Variants in IL3RA observed in about 807,000 individuals in gnomAD.
IL3RA encodes the protein interleukin-3 receptor subunit alpha.
A neutral mutation model predicts 52.3 loss-of-function variants in IL3RA; 73 were observed. The observed-to-expected ratio is 1.40, with a 90% confidence interval of 1.16 to 1.70. IL3RA has a LOEUF of 1.70. IL3RA is among the 40% of genes most tolerant of loss of function. The probability of loss-of-function intolerance (pLI) is 0.00; values close to 1 mark genes in which losing one functional copy is unlikely to be tolerated. For synonymous variants in IL3RA, 260 were observed against 194.0 expected, an observed-to-expected ratio of 1.34 and a Z score of -2.83; for missense variants, 664 against 504.4, an observed-to-expected ratio of 1.32 and a Z score of -3.03.
chrX:1,348,469 C>T lies in IL3RA; in HGVS notation c.222C>T (p.Ser74=). Residue 74 remains serine, a synonymous_variant, in exon 4 of 12, where the codon TCC becomes TCT. Coordinates refer to ENST00000331035, the MANE Select transcript of IL3RA (RefSeq NM_002183.4). ...GCTATTGCCAGTTTGGAGCAATTTC[C>T]TTATGTGAAGTGACCAACTACACCG... ...NNSYCQFGAI[S]LCEVTNYTVR... 1 of 1,613,902 alleles carries T rather than the reference C, an allele frequency of 6.2e-7. No individual in the cohort carries two copies. The highest frequency in any genetic ancestry group is 1.3e-5 in the African/African-American group (1 of 75,036).
At chrX:1,378,905 C>T (rs1443524958) in intron 10 of IL3RA, 141 bp downstream of exon 10, 9 of 798,754 alleles carry the variant, frequency 1.1e-5, no homozygotes, top group South Asian at 5.0e-5. Context: ...TGCAGTGGCA[C>T]GATCTGGGCT....
At position 1,364,795 on chromosome X, in the gene IL3RA, T is replaced by C. The variant is rs1347815519; in HGVS notation, c.760-343T>C. Among the ~76,000 whole-genome samples the C allele has an allele frequency of 1.8e-4, 20 of 113,508 alleles. No individual in the cohort carries two copies. In the Admixed American group the frequency reaches 1.8e-3, roughly 10 times the overall value. 74.5% of individuals were successfully genotyped at this position (113,508 alleles called of 152,430 possible). A position where few individuals can be genotyped will look rare whatever the true frequency, so the allele number is the denominator to read the frequency against. On this transcript the variant is annotated intron_variant, in intron 8 of 11. Transcript: ENST00000331035. Reference sequence around the variant, plus strand: ...ACCCAGCCCCTCTTTTCTTCTTTTATTTATTTATTTATTTATTTATTTATT... The same window carrying C: ...ACCCAGCCCCTCTTTTCTTCTTTTACTTATTTATTTATTTATTTATTTATT...
Position 1,361,617 on chromosome X carries a change from G to A in IL3RA, c.759+2730G>A, listed in dbSNP as rs1254091422. Among the ~76,000 whole-genome samples the A allele has an allele frequency of 2.0e-5, 3 of 151,958 alleles. No individual in the cohort carries two copies. The East Asian group carries it at 5.8e-4, about 29-fold the overall frequency. ...TAAAAAAAATTACCCAGACGTGGTG[G>A]TGGCAGGCGCCTGTGGTCCCAGCTA... On this transcript the variant is annotated intron_variant, in intron 8 of 11. Coordinates refer to ENST00000331035, the MANE Select transcript of IL3RA (RefSeq NM_002183.4).
rs1219286774 is a variant in IL3RA, at chrX:1,365,203, G to A, written c.825G>A (p.Arg275=). 3 of 1,611,476 alleles carry A rather than the reference G, an allele frequency of 1.9e-6. No individual in the cohort carries two copies. Among genetic ancestry groups the A allele is most frequent in the Non-Finnish European group, 2.5e-6 (3 of 1,179,126 alleles). Residue 275 remains arginine (R), a synonymous_variant, in exon 9 of 12, where the codon CGG becomes CGA. Transcript: ENST00000331035. The stretch of plus-strand genomic sequence containing the variant: ...CGTACACAGTACAAATAAGAGCCCG[G>A]GAAAGAGTGTATGAATTCTTGAGCG... ...PGTYTVQIRA[R]ERVYEFLSAW...
intron 10 of IL3RA, among the ~76,000 whole-genome samples, chrX:1,380,056 G>A (rs112836518): frequency 1.6e-4 from 22 of 140,966 alleles, no homozygotes; most frequent in African/African-American, 3.5e-4. Flanking sequence ...CACCATGCCC[G>A]GATAATTTTG....
chrX:1,342,778 C>G (rs1171612985), intron 2 of IL3RA, among the ~76,000 whole-genome samples: 1 of 144,970 alleles, frequency 6.9e-6, no homozygotes, highest in Non-Finnish European at 1.5e-5. Flanking sequence ...ACAGGATGGT[C>G]TCGATCTCCT....
rs148113994 is a variant in IL3RA at position 1,348,424 on chromosome X, C to T, written c.184-7C>T. 3 of 1,599,744 alleles carry T rather than the reference C, an allele frequency of 1.9e-6. No individual in the cohort carries two copies. The South Asian group carries it at 3.3e-5, about 18-fold the overall frequency. ...CAGCAGCCATCATAGTCCTATGTCT[C>T]TCTTAGGCAGTGAACAATAGCTATT... On this transcript the variant is annotated splice_region_variant and splice_polypyrimidine_tract_variant and intron_variant, in intron 3 of 11. Transcript: ENST00000331035.
Position 1,377,195 on chromosome X carries a change from T to G in IL3RA, c.875-1464T>G, listed in dbSNP as rs761047111. ...ATCTCTTGATCTTGGACCTGCAGCTTCCAGGACTGTGGGAGAATCAATTCC... is the reference window on the plus strand; with the variant it reads ...ATCTCTTGATCTTGGACCTGCAGCTGCCAGGACTGTGGGAGAATCAATTCC... On this transcript the variant is annotated intron_variant, in intron 9 of 11. Transcript: ENST00000331035. 2.0e-5 allele frequency among the ~76,000 whole-genome samples: 3 copies of G among 152,334 alleles called. No individual in the cohort carries two copies. In the East Asian group the frequency reaches 5.8e-4, roughly 29 times the overall value.
chrX:1,349,885 C>G (rs1603443684), intron 4 of IL3RA, among the ~76,000 whole-genome samples: 3 of 150,142 alleles, frequency 2.0e-5, no homozygotes, highest in South Asian at 2.1e-4. Context: ...AACTCCTGAC[C>G]TTGTGATCCA....
chrX:1,378,700 A>C lies in IL3RA; in HGVS notation c.916A>C (p.Thr306Pro). 6.2e-7 allele frequency: 1 copy of C among 1,612,660 alleles called. No individual in the cohort carries two copies. The highest frequency in any genetic ancestry group is 8.5e-7 in the Non-Finnish European group (1 of 1,179,832). ...EEGANTRAWR[T>P]SLLIALGTLL... ...GGGCGCAAACACACGTGCCTGGCGG[A>C]CGTCGCTGCTGATCGCGCTGGGGAC... Residue 306 changes from threonine to proline, a missense_variant, in exon 10 of 12, where the codon ACG (threonine) becomes CCG (proline). Physicochemically the swap from Thr to Pro is conservative, Grantham distance 38. Coordinates refer to ENST00000331035, the MANE Select transcript of IL3RA (RefSeq NM_002183.4).
intron 10 of IL3RA, among the ~76,000 whole-genome samples, chrX:1,380,083 G>A (rs548004862): frequency 2.6e-5 from 4 of 151,834 alleles, no homozygotes; most frequent in Non-Finnish European, 5.9e-5. Context: ...CAGTAGAGAC[G>A]GAGTTTCTCC....
At position 1,348,656 on chromosome X, in the gene IL3RA, TTC is replaced by T. The variant is rs1377295640; in HGVS notation, c.298+113_298+114del. On this transcript the variant is annotated intron_variant, in intron 4 of 11. Transcript: ENST00000331035. Reference sequence around the variant, plus strand: ...TTCTTTTCTTTTTCTCTTTCTTTCTTTCTTTCTTTCTTTCTTTCTTTCTTTCT... The same window carrying T: ...TTCTTTTCTTTTTCTCTTTCTTTCTTTTTCTTTCTTTCTTTCTTTCTTTCT... 17 of 414,360 alleles carry T rather than the reference TTC, an allele frequency of 4.1e-5. 1 individual carries two copies. Among genetic ancestry groups the T allele is most frequent in the South Asian group, 1.3e-4 (4 of 31,862 alleles). 25.7% of individuals were successfully genotyped at this position (414,360 alleles called of 1,614,324 possible). A position where few individuals can be genotyped will look rare whatever the true frequency, so the allele number is the denominator to read the frequency against.
intron 7 of IL3RA, among the ~76,000 whole-genome samples, chrX:1,357,869 G>A (rs866247641): frequency 8.7e-5 from 13 of 149,872 alleles, no homozygotes; most frequent in Non-Finnish European, 1.3e-4. Context: ...TTGGGAGGCC[G>A]AGGCAGGACG....
chrX:1,365,427 A>C (rs866928752), intron 9 of IL3RA, among the ~76,000 whole-genome samples, 175 bp downstream of exon 9: 3 of 24,072 alleles, frequency 1.2e-4, no homozygotes, highest in Admixed American at 4.5e-4. Flanking sequence ...GAGCGGGGTG[A>C]GCGGGGTGCG....
chrX:1,378,568 C>A, intron 9 of IL3RA, 91 bp from the exon 10 acceptor site: 1 of 1,134,202 alleles, frequency 8.8e-7, no homozygotes, highest in Non-Finnish European at 1.3e-6. Context: ...GCAGCCACCT[C>A]TCTGCTTCCC....
chrX:1,378,554 T>C lies in IL3RA; in HGVS notation c.875-105T>C, dbSNP rs1306963633. ...GTGTCCCCCCCTGGACGCCACCCCA[T>C]ATGGCAGCCACCTCTCTGCTTCCCA... is the stretch of plus-strand genomic sequence containing the variant. On this transcript the variant is annotated intron_variant, in intron 9 of 11. Coordinates refer to ENST00000331035, the MANE Select transcript of IL3RA (RefSeq NM_002183.4). The C allele has an allele frequency of 1.1e-5, 11 of 974,280 alleles. No homozygotes were observed. In the African/African-American group the frequency reaches 1.3e-4, roughly 11 times the overall value. The allele number at this position is 974,280 out of a possible 1,614,324, so 60.4% of individuals were successfully genotyped here. A position where few individuals can be genotyped will look rare whatever the true frequency, so the allele number is the denominator to read the frequency against.
chrX:1,382,419 TGGA>T lies in IL3RA; in HGVS notation c.1096_1098del (p.Glu366del). 1 of 1,613,788 alleles carries T rather than the reference TGGA, an allele frequency of 6.2e-7. No individual in the cohort carries two copies. Among genetic ancestry groups the T allele is most frequent in the Non-Finnish European group, 8.5e-7 (1 of 1,179,750 alleles). ...GTCTGGGAGGCGGGCAAAGCCGGCC[TGGA>T]GGAGTGTCTGGTGACTGAAGTACAG... is the stretch of plus-strand genomic sequence containing the variant. On this transcript the variant is annotated inframe_deletion, in exon 12 of 12. Coordinates refer to ENST00000331035, the MANE Select transcript of IL3RA (RefSeq NM_002183.4).
intron 8 of IL3RA, among the ~76,000 whole-genome samples, chrX:1,362,615 G>C (rs1434708573): frequency 6.6e-5 from 10 of 151,124 alleles, no homozygotes; most frequent in Non-Finnish European, 1.5e-4. Context: ...TTCTATCTCC[G>C]TCCTCCTGTA....
chrX:1,374,147 C>A, intron 9 of IL3RA, among the ~76,000 whole-genome samples: 1 of 37,902 alleles, frequency 2.6e-5, no homozygotes. Flanking sequence ...ACCTGGATCT[C>A]AGACCTCCAG....
Sources: gnomAD v4.1 joint callset for allele counts (sites outside exome capture counted in the v4.1 genomes callset) on GRCh38, gnomAD v4.1.1 for gene constraint, MANE v1.5 for transcripts, NCBI Gene and HGNC (gene_info 2026-07-23, HGNC 2026-07-21) for gene names.